MYRIP: variants seen among roughly 807,000 people sequenced by gnomAD.
The protein encoded by MYRIP is myosin VIIA and Rab interacting protein, also known as rab effector MyRIP.
MYRIP carries 49 observed loss-of-function variants against 98.0 expected under a neutral mutation model. The ratio of observed to expected loss-of-function variants is 0.50; its 90% CI spans 0.40 to 0.63. The LOEUF (loss-of-function observed/expected upper bound fraction) is 0.63. Ranked by LOEUF, MYRIP falls within the 30% of genes least tolerant of loss-of-function variation. The pLI is 0.00. For missense variants in MYRIP, 1,004 were observed against 1,058.2 expected, an observed-to-expected ratio of 0.95 and a Z score of 0.71; for synonymous variants, 404 against 409.5, an observed-to-expected ratio of 0.99 and a Z score of 0.16.
intron 2 of MYRIP, among the ~76,000 whole-genome samples, chr3:40,030,490 T>G (rs1947234549): frequency 6.6e-6 from 1 of 152,132 alleles, no homozygotes; most frequent in African/African-American, 2.4e-5. Flanking sequence ...TCTACTCCTA[T>G]AATTAAAAAT....
chr3:40,006,903 C>T (rs995595062), intron 2 of MYRIP, among the ~76,000 whole-genome samples: 4 of 152,080 alleles, frequency 2.6e-5, no homozygotes, highest in African/African-American at 9.7e-5. Context: ...CTCTGTTGCC[C>T]TGGCTGGGGT....
At chr3:39,992,503 T>G (rs1946204342) in intron 2 of MYRIP, among the ~76,000 whole-genome samples, 1 of 152,226 alleles carries the variant, frequency 6.6e-6, no homozygotes, top group Non-Finnish European at 1.5e-5. Flanking sequence ...AACTCTGGAC[T>G]TATTCCAGAC....
intron 4 of MYRIP, among the ~76,000 whole-genome samples, chr3:40,152,490 C>T (rs999391323): frequency 3.3e-5 from 5 of 152,196 alleles, no homozygotes; most frequent in Non-Finnish European, 7.4e-5. Context: ...TAAGTCTCCA[C>T]AAGTGGAGAA....
intron 2 of MYRIP, among the ~76,000 whole-genome samples, chr3:40,006,647 C>A (rs992075647): frequency 6.6e-6 from 1 of 152,184 alleles, no homozygotes; most frequent in African/African-American, 2.4e-5. Flanking sequence ...AGCACCTTCT[C>A]TTCCTGGGAG....
At chr3:40,005,025 A>G (rs1946603137) in intron 2 of MYRIP, among the ~76,000 whole-genome samples, 1 of 151,958 alleles carries the variant, frequency 6.6e-6, no homozygotes, top group African/African-American at 2.4e-5. Context: ...ACAACATGCC[A>G]TATTTGGTTT....
chr3:40,191,753 G>T (rs1951216081), intron 10 of MYRIP, among the ~76,000 whole-genome samples: 1 of 152,096 alleles, frequency 6.6e-6, no homozygotes. Context: ...GGATTGTTAT[G>T]GTCTTAGAAT....
intron 2 of MYRIP, among the ~76,000 whole-genome samples, chr3:40,009,731 A>G (rs368965669): frequency 5.9e-5 from 9 of 152,302 alleles, no homozygotes; most frequent in African/African-American, 1.7e-4. Flanking sequence ...TGGTTCCATT[A>G]AATGGTCACT....
chr3:39,832,397 AT>A (rs1435408565), intron 1 of MYRIP, among the ~76,000 whole-genome samples: 2 of 152,166 alleles, frequency 1.3e-5, no homozygotes, highest in Non-Finnish European at 2.9e-5. Flanking sequence ...GAGAGCTTGT[AT>A]TTTTTACTCT....
At chr3:40,050,363 G>C (rs1416534135) in intron 3 of MYRIP, among the ~76,000 whole-genome samples, 1 of 151,960 alleles carries the variant, frequency 6.6e-6, no homozygotes, top group Non-Finnish European at 1.5e-5. Flanking sequence ...TACTCTGCCT[G>C]TGCTCTATAA....
intron 2 of MYRIP, among the ~76,000 whole-genome samples, chr3:39,988,174 G>A (rs1017159360): frequency 3.3e-5 from 5 of 152,068 alleles, no homozygotes; most frequent in Non-Finnish European, 5.9e-5. Context: ...GTGGGGGAAG[G>A]GGGAAAGGAT....
intron 1 of MYRIP, among the ~76,000 whole-genome samples, chr3:39,875,172 G>A (rs913650512): frequency 6.6e-6 from 1 of 152,120 alleles, no homozygotes; most frequent in African/African-American, 2.4e-5. Context: ...GTATTTCTGT[G>A]GGATCAGTGG....
intron 13 of MYRIP, among the ~76,000 whole-genome samples, chr3:40,246,897 A>G (rs1953224058): frequency 6.6e-6 from 1 of 152,238 alleles, no homozygotes; most frequent in Non-Finnish European, 1.5e-5. Flanking sequence ...GCTGTGAACT[A>G]GAAATGAGCT....
intron 2 of MYRIP, among the ~76,000 whole-genome samples, chr3:39,990,077 C>T (rs1946136677): frequency 6.6e-6 from 1 of 152,262 alleles, no homozygotes; most frequent in Admixed American, 6.5e-5. Context: ...AGCTTAGTGC[C>T]TGTTGAGAAT....
chr3:40,250,178 T>G (rs9845831), intron 13 of MYRIP, 44 bp from the exon 14 acceptor site: 27 of 1,468,590 alleles, frequency 1.8e-5, no homozygotes, highest in East Asian at 1.1e-4. Context: ...ATTTTCCCCT[T>G]CCGTATTTTC....
At chr3:40,186,771 G>A (rs1951046511) in intron 9 of MYRIP, among the ~76,000 whole-genome samples, 2 of 152,196 alleles carry the variant, frequency 1.3e-5, no homozygotes, top group Admixed American at 1.3e-4. Flanking sequence ...GCCTGCTGCA[G>A]TAAAAATCAA....
chr3:39,876,136 C>A (rs1272887855), intron 1 of MYRIP, among the ~76,000 whole-genome samples: 4 of 152,112 alleles, frequency 2.6e-5, no homozygotes, highest in African/African-American at 4.8e-5. Context: ...GGTTTAAAGT[C>A]TGTTTTATCA....
At chr3:39,990,022 G>A (rs916850019) in intron 2 of MYRIP, among the ~76,000 whole-genome samples, 50 of 152,356 alleles carry the variant, frequency 3.3e-4, no homozygotes, top group African/African-American at 1.1e-3. Context: ...CAGCTGTGGT[G>A]CTGATCACCC....
chr3:40,202,354 T>C (rs1409387313), intron 10 of MYRIP, among the ~76,000 whole-genome samples: 2 of 151,972 alleles, frequency 1.3e-5, no homozygotes, highest in Non-Finnish European at 2.9e-5. Flanking sequence ...CAGACTGGGG[T>C]TGCTTTTATA....
chr3:39,998,072 A>G (rs1244527335), intron 2 of MYRIP, among the ~76,000 whole-genome samples: 4 of 152,316 alleles, frequency 2.6e-5, no homozygotes, highest in African/African-American at 4.8e-5. Context: ...CCCACAGCCA[A>G]TATCATACTG....
Sources: allele counts gnomAD v4.1 joint callset (sites outside exome capture counted in the v4.1 genomes callset), GRCh38; gene constraint gnomAD v4.1.1; transcripts MANE v1.5; gene names NCBI Gene and HGNC (gene_info 2026-07-23, HGNC 2026-07-21).